The following ARHGAP24 variants were observed in gnomAD, a reference collection of about 807,000 sequenced individuals.
The protein encoded by ARHGAP24 is rho GTPase-activating protein 24.
In ARHGAP24, 50 loss-of-function variants were observed where a neutral mutation model predicts 76.4. The observed-to-expected ratio is 0.65, with a 90% CI of 0.52 to 0.83. The LOEUF is 0.83. Ranked by LOEUF, ARHGAP24 falls within the 40% of genes least tolerant of loss-of-function variation. The pLI is 0.00. For synonymous variants in ARHGAP24, 345 were observed against 323.3 expected (o/e 1.07, Z -0.72); for missense variants, 930 against 914.2 (o/e 1.02, Z -0.22).
chr4:85,905,505 T>C (rs1734726476), intron 3 of ARHGAP24, among the ~76,000 whole-genome samples: 1 of 152,186 alleles, frequency 6.6e-6, no homozygotes, highest in Admixed American at 6.5e-5. Context: ...CTTGTTCCTA[T>C]TTTTCCTTCC....
intron 2 of ARHGAP24, among the ~76,000 whole-genome samples, chr4:85,585,438 CTGTTGAATCCACCTCTGG>C (rs1431795037): frequency 6.6e-6 from 1 of 152,138 alleles, no homozygotes; most frequent in Non-Finnish European, 1.5e-5. Flanking sequence ...TTGTGGAATC[CTGTTGAATCCACCTCTGG>C]TGTTTTAAGT....
At chr4:85,804,107 C>T (rs10516759) in intron 3 of ARHGAP24, among the ~76,000 whole-genome samples, 40,172 of 151,794 alleles carry the variant, frequency 0.26, 6,853 homozygotes, top group Non-Finnish European at 0.39. Flanking sequence ...GTGTGGCTAA[C>T]CTTTTGTATT....
rs548354768 is a variant in ARHGAP24, at chr4:85,870,988, A to G, written c.269-52660A>G. ...TGCTGACCAGGGTGATGTTGAAATA[A>G]GAGGAGAAATTATCAAATAGATATG... On this transcript the variant is annotated intron_variant, in intron 3 of 9. Transcript: ENST00000395184. Among the ~76,000 whole-genome samples the G allele has an allele frequency of 7.8e-4, 119 of 152,292 alleles. No individual in the cohort carries two copies. The South Asian group carries it at 9.5e-3, about 12-fold the overall frequency.
chr4:85,996,575 C>T (rs544214875), intron 9 of ARHGAP24, among the ~76,000 whole-genome samples: 38 of 152,140 alleles, frequency 2.5e-4, no homozygotes, highest in Admixed American at 3.9e-4. Flanking sequence ...AAAAAGATAA[C>T]GTACTTTCAG....
rs184123975 is a variant in ARHGAP24, at chr4:85,606,294, A to T, written c.180+35573A>T. Among the ~76,000 whole-genome samples, 399 of 152,218 alleles carry T rather than the reference A, an allele frequency of 2.6e-3. 2 individuals are homozygous for T. Among genetic ancestry groups the T allele is most frequent in the Non-Finnish European group, 2.6e-3 (179 of 67,990 alleles). On this transcript the variant is annotated intron_variant, in intron 2 of 9. Coordinates refer to ENST00000395184, the MANE Select transcript of ARHGAP24 (RefSeq NM_001025616.3). ...TTTGGAAGGCCAAGGCGGGCAGATC[A>T]TGAGGTCATGAGATCGAGACCATCC... is the stretch of plus-strand genomic sequence containing the variant.
At chr4:85,616,701 C>T (rs1206613752) in intron 2 of ARHGAP24, among the ~76,000 whole-genome samples, 6 of 152,170 alleles carry the variant, frequency 3.9e-5, no homozygotes, top group Non-Finnish European at 7.3e-5. Context: ...GATCTCAGCT[C>T]ACTGGAACCT....
rs943138165 is a variant in ARHGAP24 at position 85,711,067 on chromosome 4, A to G, written c.181-10818A>G. Among the ~76,000 whole-genome samples, 5 of 152,248 alleles carry G rather than the reference A, an allele frequency of 3.3e-5. No individual in the cohort carries two copies. In the East Asian group the frequency reaches 9.6e-4, roughly 29 times the overall value. On this transcript the variant is annotated intron_variant, in intron 2 of 9. Coordinates refer to ENST00000395184, the MANE Select transcript of ARHGAP24 (RefSeq NM_001025616.3). ...ATACCATGGAATACTATGCAGCTAT[A>G]AAAGAACAACAAGATCATGTCCTTT...
At chr4:85,952,063 C>G (rs1185034059) in intron 5 of ARHGAP24, among the ~76,000 whole-genome samples, 2 of 151,776 alleles carry the variant, frequency 1.3e-5, no homozygotes, top group Non-Finnish European at 2.9e-5. Context: ...TGGAAGAATA[C>G]AAGAAGGAAA....
chr4:85,653,021 T>G (rs536696877), intron 2 of ARHGAP24, among the ~76,000 whole-genome samples: 222 of 152,290 alleles, frequency 1.5e-3, no homozygotes, highest in African/African-American at 5.3e-3. Flanking sequence ...CATATTAATA[T>G]GTATTAGTAA....
At chr4:85,693,463 C>T (rs939740854) in intron 2 of ARHGAP24, among the ~76,000 whole-genome samples, 10 of 152,198 alleles carry the variant, frequency 6.6e-5, no homozygotes, top group African/African-American at 1.9e-4. Context: ...GGTTCCTCCC[C>T]GGCTCAAGTC....
intron 3 of ARHGAP24, among the ~76,000 whole-genome samples, chr4:85,788,249 A>C (rs4693738): frequency 0.11 from 16,133 of 152,230 alleles, 1,913 homozygotes; most frequent in East Asian, 0.62. Context: ...AAAGAAAGTA[A>C]GTTAATCAAA....
At chr4:85,553,813 A>G (rs1356272161) in intron 1 of ARHGAP24, among the ~76,000 whole-genome samples, 1 of 152,124 alleles carries the variant, frequency 6.6e-6, no homozygotes, top group African/African-American at 2.4e-5. Flanking sequence ...GCCCATTTAC[A>G]TCCAGCATTA....
chr4:85,816,825 T>G (rs1260203772), intron 3 of ARHGAP24, among the ~76,000 whole-genome samples: 1 of 152,200 alleles, frequency 6.6e-6, no homozygotes, highest in Admixed American at 6.5e-5. Flanking sequence ...ATTTTTAATT[T>G]TTTAAGAACC....
intron 2 of ARHGAP24, among the ~76,000 whole-genome samples, chr4:85,663,546 C>CAAA (rs1295806038): frequency 6.7e-6 from 1 of 148,570 alleles, no homozygotes; most frequent in Non-Finnish European, 1.5e-5. Flanking sequence ...CCAGAACTTC[C>CAAA]AACACTATGT....
intron 1 of ARHGAP24, among the ~76,000 whole-genome samples, chr4:85,487,208 A>ATATATATAAAAATATATATTTATTT (rs1723095716): frequency 7.4e-6 from 1 of 135,676 alleles, no homozygotes; most frequent in East Asian, 2.0e-4. Context: ...TATTTATTTT[A>ATATATATAAAAATATATATTTATTT]TATATATAAA....
chr4:85,875,550 A>G (rs1230435121), intron 3 of ARHGAP24, among the ~76,000 whole-genome samples: 1 of 82,216 alleles, frequency 1.2e-5, no homozygotes, highest in Admixed American at 2.1e-4. Context: ...TTTATATTTT[A>G]TATTATATTT....
At chr4:85,679,940 T>G (rs1245775141) in intron 2 of ARHGAP24, among the ~76,000 whole-genome samples, 5 of 152,236 alleles carry the variant, frequency 3.3e-5, no homozygotes, top group Non-Finnish European at 4.4e-5. Flanking sequence ...TCTACCCAAC[T>G]GCACTTTCTA....
intron 2 of ARHGAP24, among the ~76,000 whole-genome samples, chr4:85,673,348 T>C (rs1187624020): frequency 6.6e-6 from 1 of 152,120 alleles, no homozygotes; most frequent in African/African-American, 2.4e-5. Context: ...ATGCAAACAG[T>C]TTATTGTATA....
intron 5 of ARHGAP24, among the ~76,000 whole-genome samples, chr4:85,942,692 T>A (rs1010310803): frequency 2.0e-5 from 3 of 152,124 alleles, no homozygotes; most frequent in Admixed American, 1.3e-4. Context: ...AACAAAAGCA[T>A]TATATTTTTA....
Sources: allele counts gnomAD v4.1 joint callset (sites outside exome capture counted in the v4.1 genomes callset), GRCh38; gene constraint gnomAD v4.1.1; transcripts MANE v1.5; gene names NCBI Gene and HGNC (gene_info 2026-07-23, HGNC 2026-07-21).